Variants in SRD5A2 observed in about 807,000 individuals in gnomAD.
SRD5A2 encodes the protein steroid 5 alpha-reductase 2.
Under a neutral mutation model 27.4 loss-of-function variants are expected in SRD5A2, and 30 were observed. The observed-to-expected ratio is 1.10, with a 90% CI of 0.82 to 1.49. The LOEUF is 1.49. Among genes scored for constraint, SRD5A2 ranks in the 40% most tolerant of loss-of-function variants. The pLI is 0.00. For synonymous variants in SRD5A2, 141 were observed against 133.6 expected, an observed-to-expected ratio of 1.06 and a Z score of -0.38; for missense variants, 348 against 323.4, an observed-to-expected ratio of 1.08 and a Z score of -0.58.
At chr2:31,530,614 T>C (rs1665886730) in intron 3 of SRD5A2, among the ~76,000 whole-genome samples, 1 of 152,232 alleles carries the variant, frequency 6.6e-6, no homozygotes, top group African/African-American at 2.4e-5. Flanking sequence ...TCAATGACTA[T>C]TAATGTGCAC....
chr2:31,634,831 C>T, the SRD5A2 span, among the ~76,000 whole-genome samples: 1 of 152,190 alleles, frequency 6.6e-6, no homozygotes, highest in East Asian at 1.9e-4. Context: ...AATGACCTCC[C>T]ATTTCCATCC....
the SRD5A2 span, among the ~76,000 whole-genome samples, chr2:31,617,418 T>A: frequency 1.3e-5 from 2 of 152,194 alleles, no homozygotes; most frequent in African/African-American, 4.8e-5. Flanking sequence ...GTCTCTGACA[T>A]GCCCTGGAGA....
chr2:31,624,153 G>C, the SRD5A2 span, among the ~76,000 whole-genome samples: 7 of 151,850 alleles, frequency 4.6e-5, no homozygotes, highest in Non-Finnish European at 1.0e-4. Flanking sequence ...GAGATGCTTT[G>C]ATACAGGCAT....
the SRD5A2 span, among the ~76,000 whole-genome samples, chr2:31,631,803 A>G: frequency 1.3e-5 from 2 of 152,212 alleles, no homozygotes; most frequent in Non-Finnish European, 2.9e-5. Context: ...AGGAAAGAGA[A>G]CAACTCCCCA....
At chr2:31,563,824 G>A (rs1666676272) in intron 1 of SRD5A2, among the ~76,000 whole-genome samples, 1 of 152,014 alleles carries the variant, frequency 6.6e-6, no homozygotes, top group Non-Finnish European at 1.5e-5. Flanking sequence ...ATAAGACATT[G>A]GGTAGAATAC....
At chr2:31,617,724 C>T in the SRD5A2 span, among the ~76,000 whole-genome samples, 2 of 152,234 alleles carry the variant, frequency 1.3e-5, no homozygotes, top group African/African-American at 4.8e-5. Flanking sequence ...CAACTTTATT[C>T]CAGTTCCCAA....
the SRD5A2 span, among the ~76,000 whole-genome samples, chr2:31,622,916 T>A: frequency 4.9e-4 from 75 of 152,238 alleles, no homozygotes; most frequent in African/African-American, 1.7e-3. Flanking sequence ...TGATATTTTT[T>A]ATTTTCACTC....
At chr2:31,606,775 A>G in the SRD5A2 span, among the ~76,000 whole-genome samples, 1 of 152,074 alleles carries the variant, frequency 6.6e-6, no homozygotes, top group East Asian at 1.9e-4. Flanking sequence ...GTTGGCATAA[A>G]CAATCAGCCC....
At chr2:31,639,666 G>T in the SRD5A2 span, among the ~76,000 whole-genome samples, 1 of 151,344 alleles carries the variant, frequency 6.6e-6, no homozygotes, top group Non-Finnish European at 1.5e-5. Context: ...CTAAAATGTT[G>T]TTCCACTCCC....
At chr2:31,650,768 T>C in the SRD5A2 span, among the ~76,000 whole-genome samples, 1 of 152,048 alleles carries the variant, frequency 6.6e-6, no homozygotes, top group Admixed American at 6.6e-5. Context: ...TCAGACATTG[T>C]GAGGAATCTT....
intron 3 of SRD5A2, among the ~76,000 whole-genome samples, chr2:31,529,756 T>C (rs1443241365): frequency 1.3e-5 from 2 of 151,990 alleles, no homozygotes; most frequent in African/African-American, 2.4e-5. Flanking sequence ...AAGGGAGAGG[T>C]GTAGGAGGTC....
chr2:31,629,424 A>C, the SRD5A2 span, among the ~76,000 whole-genome samples: 1 of 152,156 alleles, frequency 6.6e-6, no homozygotes, highest in African/African-American at 2.4e-5. Context: ...GTAATATTGG[A>C]CCACTTTTGC....
chr2:31,622,365 T>C, the SRD5A2 span, among the ~76,000 whole-genome samples: 1 of 152,144 alleles, frequency 6.6e-6, no homozygotes, highest in Non-Finnish European at 1.5e-5. Context: ...CTTTATTCAA[T>C]CTATAATTGA....
chr2:31,635,576 C>T, the SRD5A2 span, among the ~76,000 whole-genome samples: 2 of 152,092 alleles, frequency 1.3e-5, no homozygotes, highest in Non-Finnish European at 2.9e-5. Flanking sequence ...TCCCAATTGT[C>T]TCTTTTACTT....
At chr2:31,541,082 A>G (rs1391004422) in intron 1 of SRD5A2, among the ~76,000 whole-genome samples, 1 of 152,192 alleles carries the variant, frequency 6.6e-6, no homozygotes, top group East Asian at 1.9e-4. Flanking sequence ...GCCAGATATT[A>G]AAGATAAGGA....
intron 1 of SRD5A2, among the ~76,000 whole-genome samples, chr2:31,574,212 A>G (rs917355823): frequency 3.9e-5 from 6 of 152,216 alleles, no homozygotes; most frequent in Non-Finnish European, 5.9e-5. Flanking sequence ...GAAGCACACA[A>G]TGAAGGTTCT....
At chr2:31,630,766 G>C in the SRD5A2 span, among the ~76,000 whole-genome samples, 17 of 152,136 alleles carry the variant, frequency 1.1e-4, no homozygotes, top group Non-Finnish European at 1.8e-4. Context: ...GTTAGAAAAA[G>C]GTGATTTAAC....
At chr2:31,560,524 G>A (rs1309572842) in intron 1 of SRD5A2, among the ~76,000 whole-genome samples, 2 of 152,188 alleles carry the variant, frequency 1.3e-5, no homozygotes, top group Non-Finnish European at 1.5e-5. Flanking sequence ...CAGGCTCCTG[G>A]CCTTTGGGTG....
the SRD5A2 span, among the ~76,000 whole-genome samples, chr2:31,662,282 C>T: frequency 3.3e-5 from 5 of 152,032 alleles, no homozygotes; most frequent in Admixed American, 3.3e-4. Flanking sequence ...TCACTCTGAA[C>T]TTGTGAAGAC....
Sources: allele counts gnomAD v4.1 joint callset (sites outside exome capture counted in the v4.1 genomes callset), GRCh38; gene constraint gnomAD v4.1.1; transcripts MANE v1.5; gene names NCBI Gene and HGNC (gene_info 2026-07-23, HGNC 2026-07-21).